The following DSCAM variants were observed in gnomAD, a reference collection of about 807,000 sequenced individuals.
DSCAM encodes the protein cell adhesion molecule DSCAM.
A neutral mutation model predicts 217.7 loss-of-function variants in DSCAM; 47 were observed. The observed-to-expected ratio is 0.22, with a 90% confidence interval of 0.17 to 0.28. The LOEUF (loss-of-function observed/expected upper bound fraction) is 0.28, where lower values mean the gene tolerates loss of function less well. Ranked by LOEUF, DSCAM falls within the 10% of genes least tolerant of loss-of-function variation. The pLI is 1.00. For synonymous variants in DSCAM, 1,056 were observed against 1,015.3 expected (o/e 1.04, Z -0.76); for missense variants, 2,080 against 2,618.3 (o/e 0.79, Z 4.49).
intron 16 of DSCAM, among the ~76,000 whole-genome samples, chr21:40,156,868 G>A (rs1031600777): frequency 6.6e-6 from 1 of 152,186 alleles, no homozygotes; most frequent in Non-Finnish European, 1.5e-5. Context: ...GTGGATCTTT[G>A]AACTGGAGAG....
intron 3 of DSCAM, among the ~76,000 whole-genome samples, chr21:40,659,385 CTA>C (rs1568968239): frequency 1.2e-4 from 16 of 137,652 alleles, no homozygotes; most frequent in African/African-American, 4.1e-4. Flanking sequence ...ATCTATCTAT[CTA>C]TCTATCATCT....
intron 11 of DSCAM, among the ~76,000 whole-genome samples, chr21:40,257,374 TTTTTG>T (rs2073386573): frequency 6.6e-6 from 1 of 151,980 alleles, no homozygotes; most frequent in African/African-American, 2.4e-5. Flanking sequence ...TTGTTGTATT[TTTTTG>T]TTTTTTTTTC....
chr21:40,164,871 T>C (rs2090577535), intron 16 of DSCAM, among the ~76,000 whole-genome samples: 1 of 152,148 alleles, frequency 6.6e-6, no homozygotes, highest in East Asian at 1.9e-4. Context: ...GAGGGTGTCA[T>C]TACAGAAGCA....
intron 3 of DSCAM, among the ~76,000 whole-genome samples, chr21:40,396,167 T>C (rs1447438605): frequency 6.6e-6 from 1 of 152,220 alleles, no homozygotes; most frequent in Non-Finnish European, 1.5e-5. Context: ...TCCTTGCTAC[T>C]ATGTCTCACC....
chr21:40,472,076 C>T (rs889553428), intron 3 of DSCAM, among the ~76,000 whole-genome samples: 2 of 152,078 alleles, frequency 1.3e-5, no homozygotes, highest in Admixed American at 6.6e-5. Flanking sequence ...AGATATAGAC[C>T]AATGGCACAG....
chr21:40,593,871 A>G (rs532087397), intron 3 of DSCAM, among the ~76,000 whole-genome samples: 11 of 152,314 alleles, frequency 7.2e-5, no homozygotes, highest in African/African-American at 2.6e-4. Flanking sequence ...AGCTGCTAAC[A>G]TTTGCTACCT....
At chr21:40,700,313 T>C (rs2090641548) in intron 2 of DSCAM, among the ~76,000 whole-genome samples, 1 of 152,230 alleles carries the variant, frequency 6.6e-6, no homozygotes, top group South Asian at 2.1e-4. Context: ...ACAAGTATGA[T>C]GTTCGCTATA....
At chr21:40,194,765 T>G (rs1239513454) in intron 11 of DSCAM, among the ~76,000 whole-genome samples, 1 of 152,216 alleles carries the variant, frequency 6.6e-6, no homozygotes, top group Non-Finnish European at 1.5e-5. Flanking sequence ...GCTGCTGTCA[T>G]TGGCCAGGGA....
intron 18 of DSCAM, among the ~76,000 whole-genome samples, chr21:40,134,309 GCCAC>G: frequency 6.6e-6 from 1 of 152,290 alleles, no homozygotes; most frequent in South Asian, 2.1e-4. Flanking sequence ...CACCAGGGCT[GCCAC>G]TCACCCTTCA....
intron 3 of DSCAM, among the ~76,000 whole-genome samples, chr21:40,416,880 T>C (rs1380342541): frequency 6.6e-6 from 1 of 152,182 alleles, no homozygotes; most frequent in Non-Finnish European, 1.5e-5. Context: ...CATTCTTTCA[T>C]GAACATTTCA....
chr21:40,219,691 A>G (rs538987305), intron 11 of DSCAM, among the ~76,000 whole-genome samples: 1 of 152,320 alleles, frequency 6.6e-6, no homozygotes, highest in African/African-American at 2.4e-5. Flanking sequence ...ATATATCAGA[A>G]TGTAAATATT....
intron 3 of DSCAM, among the ~76,000 whole-genome samples, chr21:40,686,361 CACACACACT>C (rs1170586969): frequency 1.3e-5 from 2 of 150,944 alleles, no homozygotes; most frequent in African/African-American, 2.4e-5. Flanking sequence ...ACACACACAC[CACACACACT>C]ACACACACAT....
chr21:40,797,905 A>G (rs73224275), intron 1 of DSCAM, among the ~76,000 whole-genome samples: 51 of 152,244 alleles, frequency 3.3e-4, no homozygotes, highest in Non-Finnish European at 6.6e-4. Flanking sequence ...AATATGAAAA[A>G]TGGAAACCAT....
At chr21:40,311,202 T>A (rs985046351) in intron 9 of DSCAM, among the ~76,000 whole-genome samples, 12 of 152,346 alleles carry the variant, frequency 7.9e-5, no homozygotes, top group African/African-American at 2.4e-4. Context: ...TGGGGAATTT[T>A]AAAATGCAAA....
At chr21:40,331,151 G>A (rs536549065) in intron 8 of DSCAM, among the ~76,000 whole-genome samples, 1 of 152,202 alleles carries the variant, frequency 6.6e-6, no homozygotes. Flanking sequence ...GAGATAGTAG[G>A]AGAAAGTGGA....
intron 11 of DSCAM, among the ~76,000 whole-genome samples, chr21:40,240,892 A>AAAATGACT (rs1333426225): frequency 6.6e-6 from 1 of 152,232 alleles, no homozygotes; most frequent in African/African-American, 2.4e-5. Context: ...TTACCCACAG[A>AAAATGACT]AAATGACTAA....
At chr21:40,459,400 A>G (rs1470468409) in intron 3 of DSCAM, among the ~76,000 whole-genome samples, 1 of 152,230 alleles carries the variant, frequency 6.6e-6, no homozygotes, top group Non-Finnish European at 1.5e-5. Context: ...ATAAATAAAA[A>G]GTTCATGAGA....
chr21:40,038,087 C>G (rs921649999), intron 32 of DSCAM, among the ~76,000 whole-genome samples: 21 of 151,944 alleles, frequency 1.4e-4, no homozygotes, highest in Admixed American at 7.9e-4. Flanking sequence ...TAGGCATTAC[C>G]ATTCAGGACA....
chr21:40,794,739 C>G (rs1161408445), intron 1 of DSCAM, among the ~76,000 whole-genome samples: 1 of 149,874 alleles, frequency 6.7e-6, no homozygotes, highest in Admixed American at 6.7e-5. Context: ...TTATTTGAAC[C>G]CCTTTTTCCA....
Sources: gnomAD v4.1 joint callset for allele counts (sites outside exome capture counted in the v4.1 genomes callset) on GRCh38, gnomAD v4.1.1 for gene constraint, MANE v1.5 for transcripts, NCBI Gene and HGNC (gene_info 2026-07-23, HGNC 2026-07-21) for gene names.